TP53INP1: variants seen among roughly 807,000 people sequenced by gnomAD.
TP53INP1 encodes tumor protein p53-inducible nuclear protein 1.
In TP53INP1, 12 loss-of-function variants were observed where a neutral mutation model predicts 21.0. The observed-to-expected ratio is 0.57, with a 90% CI of 0.37 to 0.93. The LOEUF (loss-of-function observed/expected upper bound fraction) is 0.93. TP53INP1 is among the 40% of genes least tolerant of loss of function. The pLI is 0.01. For missense variants in TP53INP1, 274 were observed against 294.7 expected, an observed-to-expected ratio of 0.93 and a Z score of 0.51; for synonymous variants, 91 against 94.8, an observed-to-expected ratio of 0.96 and a Z score of 0.23.
chr8:94,938,211 C>T (rs1821178887), intron 3 of TP53INP1, among the ~76,000 whole-genome samples: 4 of 152,184 alleles, frequency 2.6e-5, no homozygotes. Flanking sequence ...ACCTGCAAAC[C>T]TGAGTGGCCT....
chr8:94,932,578 C>T (rs574821276), intron 3 of TP53INP1, among the ~76,000 whole-genome samples: 2 of 152,098 alleles, frequency 1.3e-5, no homozygotes, highest in East Asian at 1.9e-4. Context: ...CTGAGGCGGG[C>T]GGATCGTGAG....
intron 1 of TP53INP1, among the ~76,000 whole-genome samples, chr8:94,944,828 G>A (rs553707569): frequency 3.6e-4 from 55 of 152,240 alleles, no homozygotes; most frequent in African/African-American, 1.3e-3. Context: ...GGAAAATGGG[G>A]AGACTGCGCT....
At chr8:94,944,183 G>T (rs1167964064) in intron 1 of TP53INP1, among the ~76,000 whole-genome samples, 1 of 152,192 alleles carries the variant, frequency 6.6e-6, no homozygotes, top group Non-Finnish European at 1.5e-5. Context: ...CTGGACTCTA[G>T]CCCTGAATCA....
intron 1 of TP53INP1, among the ~76,000 whole-genome samples, chr8:94,947,286 A>T (rs1184124754): frequency 0.014 from 136 of 9,508 alleles, no homozygotes; most frequent in South Asian, 0.11. Flanking sequence ...AAAAATATTA[A>T]AAAAAAAAAA....
At position 94,941,079 on chromosome 8, in the gene TP53INP1, A is replaced by G. The variant is rs932460164; in HGVS notation, c.-138T>C. The G allele has an allele frequency of 1.9e-5, 12 of 629,270 alleles. No individual in the cohort carries two copies. The African/African-American group carries it at 2.2e-4, about 12-fold the overall frequency. The allele number at this position is 629,270 out of a possible 1,614,324, so 39.0% of individuals were successfully genotyped here. On this transcript the variant is annotated 5_prime_UTR_variant, in exon 2 of 4. Coordinates refer to ENST00000342697, the MANE Select transcript of TP53INP1 (RefSeq NM_033285.4). ...TATTCAACTTAGGTGAAAAGCAAGA[A>G]GAGTCATTGTACCTAAAATAAAACA...
At chr8:94,943,420 A>G (rs1455675405) in intron 1 of TP53INP1, among the ~76,000 whole-genome samples, 1 of 152,204 alleles carries the variant, frequency 6.6e-6, no homozygotes, top group Non-Finnish European at 1.5e-5. Flanking sequence ...GTCCAGGTTC[A>G]AGGATGCAGT....
chr8:94,940,815 C>T lies in TP53INP1; in HGVS notation c.112+15G>A. On this transcript the variant is annotated intron_variant, in intron 2 of 3. Transcript: ENST00000342697. Reference sequence around the variant, plus strand: ...ACTGTGAAGATGAACCACCAAGTAACCAAGTGTACCTTACCTATGAAGTCA... The same window carrying T: ...ACTGTGAAGATGAACCACCAAGTAATCAAGTGTACCTTACCTATGAAGTCA... 6.3e-7 allele frequency: 1 copy of T among 1,586,372 alleles called. No homozygotes were observed. The highest frequency in any genetic ancestry group is 8.6e-7 in the Non-Finnish European group (1 of 1,159,970).
At chr8:94,933,839 G>GA (rs1046736222) in intron 3 of TP53INP1, among the ~76,000 whole-genome samples, 6 of 148,458 alleles carry the variant, frequency 4.0e-5, no homozygotes, top group Admixed American at 2.7e-4. Flanking sequence ...CTTTGTGGGG[G>GA]GGGGGGGAGG....
rs750631597 is a variant in TP53INP1, at chr8:94,927,164, T to C, written c.*3315A>G. On this transcript the variant is annotated 3_prime_UTR_variant, in exon 4 of 4. Transcript: ENST00000342697. ...TCTATTTAAATGTAAATATCTGTCT[T>C]CTAGTTGGAGTCCTTCATGTTTTTG... 16 of 152,770 alleles carry C rather than the reference T, an allele frequency of 1.0e-4. No homozygotes were observed. Among genetic ancestry groups the C allele is most frequent in the Non-Finnish European group, 1.5e-4 (10 of 68,026 alleles). The allele number at this position is 152,770 out of a possible 1,614,324, so 9.5% of individuals were successfully genotyped here.
intron 3 of TP53INP1, among the ~76,000 whole-genome samples, chr8:94,937,630 A>G (rs930344116): frequency 6.6e-6 from 1 of 151,976 alleles, no homozygotes; most frequent in Non-Finnish European, 1.5e-5. Context: ...TTTCTTTCCC[A>G]CATCACCTCA....
chr8:94,941,740 C>T (rs1410039918), intron 1 of TP53INP1, among the ~76,000 whole-genome samples: 1 of 152,198 alleles, frequency 6.6e-6, no homozygotes, highest in African/African-American at 2.4e-5. Flanking sequence ...GCATTCAAAC[C>T]CTGGCTAGCT....
chr8:94,933,424 C>G (rs1820627965), intron 3 of TP53INP1, among the ~76,000 whole-genome samples: 1 of 152,122 alleles, frequency 6.6e-6, no homozygotes, highest in Non-Finnish European at 1.5e-5. Context: ...AAGAAATCTA[C>G]TGAAACAAAA....
intron 1 of TP53INP1, among the ~76,000 whole-genome samples, chr8:94,948,859 C>A (rs990223222): frequency 6.6e-6 from 1 of 151,984 alleles, no homozygotes; most frequent in Non-Finnish European, 1.5e-5. Context: ...AAACTCCCAA[C>A]CGCCGCCCAG....
At chr8:94,945,163 G>A (rs993131752) in intron 1 of TP53INP1, among the ~76,000 whole-genome samples, 3 of 152,086 alleles carry the variant, frequency 2.0e-5, no homozygotes, top group Non-Finnish European at 4.4e-5. Context: ...AGTATGTTTG[G>A]AACAGTTAGG....
At chr8:94,931,699 G>A (rs1437974735) in intron 3 of TP53INP1, among the ~76,000 whole-genome samples, 1 of 152,046 alleles carries the variant, frequency 6.6e-6, no homozygotes, top group African/African-American at 2.4e-5. Context: ...TTTAGGCCAG[G>A]CGCTGTGGCT....
intron 3 of TP53INP1, among the ~76,000 whole-genome samples, chr8:94,932,273 C>A (rs1820485437): frequency 6.6e-6 from 1 of 152,186 alleles, no homozygotes; most frequent in African/African-American, 2.4e-5. Context: ...AAAAACAATA[C>A]TTATAAAGGC....
chr8:94,944,371 G>A (rs1821809594), intron 1 of TP53INP1, among the ~76,000 whole-genome samples: 1 of 152,202 alleles, frequency 6.6e-6, no homozygotes, highest in African/African-American at 2.4e-5. Flanking sequence ...ACAGCTGCTG[G>A]GTTCCCACAT....
intron 3 of TP53INP1, among the ~76,000 whole-genome samples, chr8:94,935,413 A>G (rs895787968): frequency 1.3e-5 from 2 of 152,228 alleles, no homozygotes; most frequent in Non-Finnish European, 2.9e-5. Flanking sequence ...GCAATCTCAG[A>G]TATTTCCTAG....
chr8:94,939,708 CT>C, intron 3 of TP53INP1, 151 bp downstream of exon 3: 2 of 1,136,216 alleles, frequency 1.8e-6, no homozygotes, highest in Non-Finnish European at 1.3e-6. Flanking sequence ...AACAAGTTAT[CT>C]TACGGACCAT....
Sources: allele counts gnomAD v4.1 joint callset (sites outside exome capture counted in the v4.1 genomes callset), GRCh38; gene constraint gnomAD v4.1.1; transcripts MANE v1.5; gene names NCBI Gene and HGNC (gene_info 2026-07-23, HGNC 2026-07-21).